PCDHA8: variants seen among roughly 807,000 people sequenced by gnomAD.
The protein encoded by PCDHA8 is protocadherin alpha-8.
In PCDHA8, 53 loss-of-function variants were observed where a neutral mutation model predicts 61.8. The ratio of observed to expected loss-of-function variants is 0.86; its 90% CI spans 0.69 to 1.08. The LOEUF (loss-of-function observed/expected upper bound fraction) is 1.08. PCDHA8 is among the 50% of genes least tolerant of loss of function. The pLI is 0.00. For synonymous variants in PCDHA8, 618 were observed against 556.6 expected, an observed-to-expected ratio of 1.11 and a Z score of -1.55; for missense variants, 1,293 against 1,245.0, an observed-to-expected ratio of 1.04 and a Z score of -0.58.
chr5:140,922,477 C>T (rs1233589980), intron 1 of PCDHA8, among the ~76,000 whole-genome samples: 2 of 152,124 alleles, frequency 1.3e-5, no homozygotes, highest in African/African-American at 2.4e-5. Context: ...GGAGAGAAGG[C>T]AGGACTAAAT....
At chr5:140,904,974 T>C (rs537444148) in intron 1 of PCDHA8, among the ~76,000 whole-genome samples, 97 of 152,356 alleles carry the variant, frequency 6.4e-4, no homozygotes, top group African/African-American at 2.2e-3. Context: ...GTGACTATTT[T>C]CTCCCACTCT....
At chr5:140,957,531 G>A (rs2095365025) in intron 1 of PCDHA8, among the ~76,000 whole-genome samples, 1 of 152,080 alleles carries the variant, frequency 6.6e-6, no homozygotes, top group Non-Finnish European at 1.5e-5. Flanking sequence ...ATTCAGTGGG[G>A]ATCTTAGAAA....
intron 1 of PCDHA8, among the ~76,000 whole-genome samples, chr5:140,906,981 G>A (rs1554192831): frequency 6.6e-6 from 1 of 152,122 alleles, no homozygotes; most frequent in Non-Finnish European, 1.5e-5. Flanking sequence ...GTCTTCTGGT[G>A]GCAGCATTCC....
intron 1 of PCDHA8, chr5:140,883,145 T>C (rs2059462627): frequency 6.2e-7 from 1 of 1,613,988 alleles, no homozygotes; most frequent in Admixed American, 1.7e-5. Context: ...GGTATATGCA[T>C]TTACCATAAA....
At chr5:140,976,060 T>G (rs1554237234) in intron 1 of PCDHA8, among the ~76,000 whole-genome samples, 3 of 152,228 alleles carry the variant, frequency 2.0e-5, no homozygotes. Flanking sequence ...GATAGTAATA[T>G]ATGTCTTACT....
At chr5:140,875,221 A>G (rs2055359390) in intron 1 of PCDHA8, 3 of 759,332 alleles carry the variant, frequency 4.0e-6, no homozygotes, top group South Asian at 3.3e-5. Flanking sequence ...AAAGAACCTC[A>G]GGATCTTTCT....
At chr5:140,863,761 A>C (rs1000713461) in intron 1 of PCDHA8, 5 of 242,322 alleles carry the variant, frequency 2.1e-5, no homozygotes, top group Non-Finnish European at 3.3e-5. Flanking sequence ...CACTTTGGGA[A>C]GCCGAGGCGG....
chr5:140,851,247 G>A (rs1554145321), intron 1 of PCDHA8: 3 of 1,093,404 alleles, frequency 2.7e-6, no homozygotes. Flanking sequence ...GCTAAATGAT[G>A]CATAGTATTT....
chr5:140,912,064 A>G (rs1388725837), intron 1 of PCDHA8, among the ~76,000 whole-genome samples: 10 of 152,216 alleles, frequency 6.6e-5, no homozygotes, highest in Non-Finnish European at 1.0e-4. Flanking sequence ...TTGGAGTCCA[A>G]TGTTCAAGGG....
At chr5:140,875,903 A>G in intron 1 of PCDHA8, 1 of 1,614,184 alleles carries the variant, frequency 6.2e-7, no homozygotes, top group Non-Finnish European at 8.5e-7. Context: ...CCTGTTTCTG[A>G]ATCTGCGCCT....
rs781870271 is a variant in PCDHA8, at chr5:140,968,199, T to C, written c.2395-10750T>C. The C allele has an allele frequency of 4.3e-6, 7 of 1,613,986 alleles. No homozygotes were observed. The South Asian group carries it at 7.7e-5, about 18-fold the overall frequency. The stretch of plus-strand genomic sequence containing the variant: ...CTGGAGGACTCCTATTCCATCTACA[T>C]ACAGGAGAACAATTTGCCAGGTGTG... On this transcript the variant is annotated intron_variant, in intron 1 of 3. Transcript: ENST00000531613.
At chr5:140,856,044 A>G (rs782811970) in intron 1 of PCDHA8, 1 of 1,581,666 alleles carries the variant, frequency 6.3e-7, no homozygotes, top group South Asian at 1.1e-5. Context: ...CAAGAGAAGG[A>G]TAAGATGGTT....
chr5:140,951,150 ATAGT>A (rs33995910), intron 1 of PCDHA8, among the ~76,000 whole-genome samples: 85,202 of 151,324 alleles, frequency 0.56, 24,547 homozygotes, highest in African/African-American at 0.69. Context: ...CTTATTGAAT[ATAGT>A]TATAGTAGCT....
At chr5:140,879,813 T>C in intron 1 of PCDHA8, among the ~76,000 whole-genome samples, 1 of 152,346 alleles carries the variant, frequency 6.6e-6, no homozygotes, top group African/African-American at 2.4e-5. Flanking sequence ...CTATTGGCTG[T>C]TGGTGTTCCC....
chr5:140,891,820 G>T (rs1341896388), intron 1 of PCDHA8, among the ~76,000 whole-genome samples: 3 of 152,102 alleles, frequency 2.0e-5, no homozygotes, highest in African/African-American at 7.2e-5. Context: ...TAAATTAACG[G>T]CACTGTAAAA....
At chr5:140,883,627 G>A (rs781902332) in intron 1 of PCDHA8, 34 of 1,613,816 alleles carry the variant, frequency 2.1e-5, no homozygotes, top group Non-Finnish European at 2.7e-5. Context: ...ACAACGCGCC[G>A]GCGTTCGCGC....
chr5:140,855,043 A>T (rs1177113480), intron 1 of PCDHA8, among the ~76,000 whole-genome samples: 2 of 149,900 alleles, frequency 1.3e-5, no homozygotes, highest in African/African-American at 4.9e-5. Flanking sequence ...TTTTTCTGTA[A>T]TAGTACTTTT....
rs1554144804 is a variant in PCDHA8, at chr5:140,850,700, C to G, written c.2394+6985C>G. 17 of 1,597,908 alleles carry G rather than the reference C, an allele frequency of 1.1e-5. 1 individual carries two copies. The highest frequency in any genetic ancestry group is 1.7e-5 in the Admixed American group (1 of 59,228). ...CCACCGAGGGCGAGTGCGCGCCTGG[C>G]AAGCCGACGCTGGTGTGTTCTAGCG... On this transcript the variant is annotated intron_variant, in intron 1 of 3. Transcript: ENST00000531613.
intron 1 of PCDHA8, among the ~76,000 whole-genome samples, chr5:140,925,841 C>CT (rs1451775258): frequency 1.3e-5 from 2 of 152,066 alleles, no homozygotes; most frequent in African/African-American, 4.8e-5. Flanking sequence ...GTCGTCAAGT[C>CT]TTTGAGTTTC....
Sources: allele counts gnomAD v4.1 joint callset (sites outside exome capture counted in the v4.1 genomes callset), GRCh38; gene constraint gnomAD v4.1.1; transcripts MANE v1.5; gene names NCBI Gene and HGNC (gene_info 2026-07-23, HGNC 2026-07-21).